Variants in HMCN2 observed in about 807,000 individuals in gnomAD.
HMCN2 encodes the protein hemicentin-2.
In HMCN2, 325 loss-of-function variants were observed where a neutral mutation model predicts 377.5. That is an observed-to-expected ratio of 0.86 (90% confidence interval 0.79 to 0.94). HMCN2 has a LOEUF of 0.94. Ranked by LOEUF, HMCN2 falls within the 40% of genes least tolerant of loss-of-function variation. The probability of loss-of-function intolerance (pLI) is 0.00; values close to 1 mark genes in which losing one functional copy is unlikely to be tolerated. For missense variants in HMCN2, 4,543 were observed against 4,725.3 expected (o/e 0.96, Z 1.13); for synonymous variants, 2,007 against 2,046.8 (o/e 0.98, Z 0.53).
chr9:130,354,892 T>G lies in HMCN2; in HGVS notation c.4994T>G (p.Leu1665Arg), dbSNP rs1319933107. The G allele has an allele frequency of 1.0e-5, 13 of 1,304,154 alleles. No individual in the cohort carries two copies. The highest frequency in any genetic ancestry group is 2.3e-5 in the Admixed American group (1 of 43,560). 80.8% of individuals were successfully genotyped at this position (1,304,154 alleles called of 1,614,324 possible). A position where few individuals can be genotyped will look rare whatever the true frequency, so the allele number is the denominator to read the frequency against. The change falls in exon 32 of 98, where the codon CTG (leucine) becomes CGG (arginine). Residue 1665 changes from leucine to arginine, a missense_variant. Coordinates refer to ENST00000683500, the MANE Select transcript of HMCN2 (RefSeq NM_001291815.2). ...ACCCTCTCCTGGCACCACGAGGGGCTGCCCGTGGCAGAGAGCAACGAGTCG... is the reference window on the plus strand; with the variant it reads ...ACCCTCTCCTGGCACCACGAGGGGCGGCCCGTGGCAGAGAGCAACGAGTCG... ...SPTLSWHHEG[L>R]PVAESNESRL...
chr9:130,364,458 A>ATCT (rs1840580658), intron 40 of HMCN2, among the ~76,000 whole-genome samples: 1 of 152,262 alleles, frequency 6.6e-6, no homozygotes, highest in Admixed American at 6.5e-5. Flanking sequence ...ATTCACAGAC[A>ATCT]TCTGTAAGAA....
At position 130,388,705 on chromosome 9, in the gene HMCN2, C is replaced by T. The variant is rs192746394; in HGVS notation, c.9523+165C>T. Among the ~76,000 whole-genome samples the T allele has an allele frequency of 3.5e-3, 497 of 143,098 alleles. 2 individuals are homozygous for T. Among genetic ancestry groups the T allele is most frequent in the African/African-American group, 0.012 (470 of 38,956 alleles). 93.9% of individuals were successfully genotyped at this position (143,098 alleles called of 152,430 possible). On this transcript the variant is annotated intron_variant, in intron 62 of 97. Coordinates refer to ENST00000683500, the MANE Select transcript of HMCN2 (RefSeq NM_001291815.2). ...CCCCACCATTTGTGTTTGAGTGAAGCGTTGTTTATTGGCCCTTGGAATCCA... is the reference window on the plus strand; with the variant it reads ...CCCCACCATTTGTGTTTGAGTGAAGTGTTGTTTATTGGCCCTTGGAATCCA...
chr9:130,430,263 C>A, intron 94 of HMCN2, 21 bp from the exon 95 acceptor site: 2 of 1,520,826 alleles, frequency 1.3e-6, no homozygotes, highest in Non-Finnish European at 1.8e-6. Context: ...TGTGCACACA[C>A]CTGACCCCAC....
At chr9:130,373,635 GGATGAATGGATA>G (rs1841183911) in intron 48 of HMCN2, among the ~76,000 whole-genome samples, 2 of 141,628 alleles carry the variant, frequency 1.4e-5, no homozygotes, top group Admixed American at 7.0e-5. Flanking sequence ...ATGGATGGAT[GGATGAATGGATA>G]GATGGATAGG....
chr9:130,307,397 CT>C (rs1836933204), intron 13 of HMCN2, 55 bp from the exon 14 acceptor site: 2 of 467,686 alleles, frequency 4.3e-6, no homozygotes, highest in South Asian at 3.1e-5. Context: ...CCGTGGAAGA[CT>C]TTCTTTATGA....
At chr9:130,276,337 C>T (rs746138957) in intron 1 of HMCN2, among the ~76,000 whole-genome samples, 6 of 149,414 alleles carry the variant, frequency 4.0e-5, no homozygotes, top group Admixed American at 2.0e-4. Flanking sequence ...TGTGGCTGCC[C>T]GCAATGACAT....
At chr9:130,401,688 C>G (rs556798536) in intron 77 of HMCN2, among the ~76,000 whole-genome samples, 1 of 152,256 alleles carries the variant, frequency 6.6e-6, no homozygotes, top group African/African-American at 2.4e-5. Context: ...TATGGAGAGT[C>G]TCCAAATTTA....
chr9:130,432,729 C>T, intron 97 of HMCN2, 174 bp downstream of exon 97: 1 of 655,916 alleles, frequency 1.5e-6, no homozygotes, highest in Non-Finnish European at 2.6e-6. Context: ...GACACAGGAG[C>T]ACACACACCA....
intron 4 of HMCN2, among the ~76,000 whole-genome samples, chr9:130,287,226 T>C (rs1048028902): frequency 1.3e-5 from 2 of 152,088 alleles, no homozygotes; most frequent in African/African-American, 4.8e-5. Context: ...TCCAGCCCCT[T>C]ATCTGACCCC....
chr9:130,393,262 C>CAA lies in HMCN2; in HGVS notation c.10188_10189dup (p.Ser3397LysfsTer55). 4 of 988,408 alleles carry CAA rather than the reference C, an allele frequency of 4.0e-6. No homozygotes were observed. The highest frequency in any genetic ancestry group is 4.8e-6 in the Non-Finnish European group (4 of 830,368). 61.2% of individuals were successfully genotyped at this position (988,408 alleles called of 1,614,324 possible). A position where few individuals can be genotyped will look rare whatever the true frequency, so the allele number is the denominator to read the frequency against. Reference sequence around the variant, plus strand: ...GCTGGCATCTTCACCTGTGTGGCCGCAAGCCCAGCTGGCGTGGCGGACAGG... The same window carrying CAA: ...GCTGGCATCTTCACCTGTGTGGCCGCAAAAGCCCAGCTGGCGTGGCGGACAGG... On this transcript the variant is annotated frameshift_variant, in exon 67 of 98. Transcript: ENST00000683500. LOFTEE classifies it high-confidence loss of function. The surrounding 1 kb of genome is among the most constrained non-coding windows in gnomAD (Gnocchi z 5.2).
rs986807566 is a variant in HMCN2 at position 130,393,217 on chromosome 9, C to G, written c.10142C>G (p.Ser3381Cys). Residue 3381 changes from serine to cysteine, a missense_variant, in exon 67 of 98, where the codon TCC (serine) becomes TGC (cysteine). Ser to Cys is a moderately radical substitution (Grantham distance 112, BLOSUM62 -1). Around this residue, in one of 5 missense-constraint regions of HMCN2, gnomAD observed 1,073 missense variants for 1,319.5 expected, o/e 0.81. Coordinates refer to ENST00000683500, the MANE Select transcript of HMCN2 (RefSeq NM_001291815.2). The surrounding 1 kb of genome is among the most constrained non-coding windows in gnomAD (Gnocchi z 5.2). ...LHGSGHTLRI[S>C]KVQLADAGIF... Reference sequence around the variant, plus strand: ...TCTCCTCTCGGGGGATTCAGGATTTCCAAGGTGCAATTGGCAGACGCTGGC... The same window carrying G: ...TCTCCTCTCGGGGGATTCAGGATTTGCAAGGTGCAATTGGCAGACGCTGGC... 1.3e-5 allele frequency: 13 copies of G among 988,182 alleles called. No homozygotes were observed. In the Admixed American group the frequency reaches 4.3e-4, roughly 33 times the overall value. The allele number at this position is 988,182 out of a possible 1,614,324, so 61.2% of individuals were successfully genotyped here.
intron 97 of HMCN2, 69 bp from the exon 98 acceptor site, chr9:130,433,279 T>C: frequency 7.9e-7 from 1 of 1,266,294 alleles, no homozygotes; most frequent in South Asian, 1.7e-5. Flanking sequence ...GAGGTCTGAG[T>C]TACGCGGATG....
rs1050127322 is a variant in HMCN2, at chr9:130,373,081, G to T, written c.7395G>T (p.Lys2465Asn). 1.0e-6 allele frequency: 1 copy of T among 970,634 alleles called. No homozygotes were observed. The highest frequency in any genetic ancestry group is 1.2e-6 in the Non-Finnish European group (1 of 827,346). The allele number at this position is 970,634 out of a possible 1,614,324, so 60.1% of individuals were successfully genotyped here. The stretch of plus-strand genomic sequence containing the variant: ...ACGAGGACTTGGAGGAGGTGATCAA[G>T]GTCCTTGATGGACAGACTGCCCATC... The part of the protein sequence containing the change: ...IENEDLEEVI[K>N]VLDGQTAHLM... The change falls in exon 48 of 98, where the codon AAG becomes AAT. Residue 2465 changes from lysine to asparagine, a missense_variant. Physicochemically the swap from Lys to Asn is moderately conservative, Grantham distance 94 (BLOSUM62 0). Transcript: ENST00000683500.
rs781306149 is a variant in HMCN2, at chr9:130,432,419, C to T, written c.14768-10C>T. The T allele has an allele frequency of 6.4e-7, 1 of 1,551,082 alleles. No individual in the cohort carries two copies. The highest frequency in any genetic ancestry group is 1.2e-5 in the South Asian group (1 of 84,064). On this transcript the variant is annotated splice_polypyrimidine_tract_variant and intron_variant, in intron 96 of 97. Coordinates refer to ENST00000683500, the MANE Select transcript of HMCN2 (RefSeq NM_001291815.2). The stretch of plus-strand genomic sequence containing the variant: ...TCTCCCTCCCCCGCTTCACCAACTT[C>T]CCCATCCAGACATCAACGAGTGCGA...
At chr9:130,266,234 G>A (rs1554918967) in intron 1 of HMCN2, 97 bp downstream of exon 1, 3 of 361,900 alleles carry the variant, frequency 8.3e-6, no homozygotes, top group Non-Finnish European at 1.6e-5. Flanking sequence ...TGGACGTCGT[G>A]GGCTGCGCCG....
At chr9:130,417,820 C>T (rs755847022) in intron 85 of HMCN2, among the ~76,000 whole-genome samples, 20 of 152,216 alleles carry the variant, frequency 1.3e-4, no homozygotes, top group South Asian at 4.1e-4. Context: ...CTGCAGGAAG[C>T]GAACACACAG....
At chr9:130,316,824 C>T (rs1564778967) in intron 15 of HMCN2, among the ~76,000 whole-genome samples, 1 of 152,168 alleles carries the variant, frequency 6.6e-6, no homozygotes, top group African/African-American at 2.4e-5. Flanking sequence ...AGATAAGGCC[C>T]TGGGCAGAGC....
intron 4 of HMCN2, among the ~76,000 whole-genome samples, chr9:130,292,508 G>A (rs1370035084): frequency 3.9e-5 from 6 of 152,164 alleles, no homozygotes; most frequent in Non-Finnish European, 5.9e-5. Flanking sequence ...AATTTCTGTC[G>A]AAAAGGCACG....
At chr9:130,380,793 A>G (rs1043352515) in intron 54 of HMCN2, among the ~76,000 whole-genome samples, 5 of 131,184 alleles carry the variant, frequency 3.8e-5, no homozygotes, top group African/African-American at 1.1e-4. Context: ...TCAAAAAAAG[A>G]AAAAAAAAAA....
Sources: allele counts gnomAD v4.1 joint callset (sites outside exome capture counted in the v4.1 genomes callset), GRCh38; gene constraint gnomAD v4.1.1; regional missense constraint gnomAD v4.1.1; non-coding constraint Gnocchi (gnomAD v3.1); transcripts MANE v1.5; gene names NCBI Gene and HGNC (gene_info 2026-07-23, HGNC 2026-07-21).